CDH11: variants seen among roughly 807,000 people sequenced by gnomAD.
CDH11 encodes cadherin 11, also known as cadherin-11.
In CDH11, 11 loss-of-function variants were observed where a neutral mutation model predicts 67.8. The ratio of observed to expected loss-of-function variants is 0.16; its 90% CI spans 0.10 to 0.27. The LOEUF is 0.27. CDH11 is among the 10% of genes least tolerant of loss of function. The pLI is 1.00. For missense variants in CDH11, 847 were observed against 1,031.2 expected, an observed-to-expected ratio of 0.82 and a Z score of 2.45; for synonymous variants, 419 against 400.0, an observed-to-expected ratio of 1.05 and a Z score of -0.57.
chr16:64,989,038 T>C (rs1414558172), intron 6 of CDH11, among the ~76,000 whole-genome samples: 1 of 152,200 alleles, frequency 6.6e-6, no homozygotes, highest in Non-Finnish European at 1.5e-5. Flanking sequence ...TTGCTTGTTT[T>C]GTTTACTACT....
At chr16:65,073,889 C>T (rs2074462548) in intron 1 of CDH11, among the ~76,000 whole-genome samples, 1 of 152,116 alleles carries the variant, frequency 6.6e-6, no homozygotes, top group South Asian at 2.1e-4. Context: ...AGAAGCAAGG[C>T]CTTGCAGAAA....
chr16:65,057,693 A>G (rs957668904), intron 1 of CDH11, among the ~76,000 whole-genome samples: 4 of 152,182 alleles, frequency 2.6e-5, no homozygotes, highest in Admixed American at 1.3e-4. Flanking sequence ...TAAAATGGAA[A>G]GAGTTGTCAA....
chr16:64,949,062 A>G (rs2071278220), intron 12 of CDH11, among the ~76,000 whole-genome samples: 1 of 152,146 alleles, frequency 6.6e-6, no homozygotes, highest in Non-Finnish European at 1.5e-5. Flanking sequence ...TCTTGTGGGC[A>G]CTTTCACTCA....
At chr16:65,000,823 T>A (rs35189) in intron 3 of CDH11, among the ~76,000 whole-genome samples, 47,214 of 151,634 alleles carry the variant, frequency 0.31, 8,614 homozygotes, top group Non-Finnish European at 0.42. Flanking sequence ...ATAAATAAAT[T>A]AATTAATTAA....
rs546656310 is a variant in CDH11, at chr16:65,002,598, G to C, written c.228+2044C>G. ...AAATTCCTTTGGTACATCTCTTCAAGAAGAAATTTTTCCAAACTTACACAA... is the reference window on the plus strand; with the variant it reads ...AAATTCCTTTGGTACATCTCTTCAACAAGAAATTTTTCCAAACTTACACAA... On this transcript the variant is annotated intron_variant, in intron 3 of 12. Coordinates refer to ENST00000268603, the MANE Select transcript of CDH11 (RefSeq NM_001797.4). 2.0e-5 allele frequency among the ~76,000 whole-genome samples: 3 copies of C among 152,252 alleles called. No individual in the cohort carries two copies. The East Asian group carries it at 5.8e-4, about 29-fold the overall frequency.
At chr16:64,987,972 T>C (rs1406567249) in intron 7 of CDH11, 185 bp downstream of exon 7, 3 of 477,708 alleles carry the variant, frequency 6.3e-6, no homozygotes, top group Non-Finnish European at 7.4e-6. Context: ...TGTCAGCTTC[T>C]CTGCAGTAAC....
intron 2 of CDH11, among the ~76,000 whole-genome samples, chr16:65,031,093 C>G (rs929974736): frequency 7.9e-5 from 12 of 152,170 alleles, no homozygotes; most frequent in Admixed American, 7.9e-4. Flanking sequence ...AACTAATACC[C>G]AAGGCCTGGA....
Position 64,947,804 on chromosome 16 carries a change from A to G in CDH11, c.2190T>C (p.Asn730=). Residue 730 remains asparagine (N), a synonymous_variant, in exon 13 of 13, where the codon AAT becomes AAC. Coordinates refer to ENST00000268603, the MANE Select transcript of CDH11 (RefSeq NM_001797.4). ...AGTCATAAGGAGGAGCCGTGGGGTC[A>G]TTGTCTGCCTCCTGTATTCTCGTGT... ...FINTRIQEAD[N]DPTAPPYDSI... 1.2e-6 allele frequency: 2 copies of G among 1,614,132 alleles called. No individual in the cohort carries two copies. Among genetic ancestry groups the G allele is most frequent in the Non-Finnish European group, 1.7e-6 (2 of 1,180,008 alleles).
At chr16:65,071,870 C>T (rs2074423245) in intron 1 of CDH11, 1 of 152,248 alleles carries the variant, frequency 6.6e-6, no homozygotes, top group Non-Finnish European at 1.5e-5. Flanking sequence ...AGGGACAAGA[C>T]ATAAATAAAA....
In CDH11 at chr16:64,957,421, G is replaced by A. The variant is rs558013394; in HGVS notation, c.1643-6403C>T. On this transcript the variant is annotated intron_variant, in intron 11 of 12. Transcript: ENST00000268603. Reference sequence around the variant, plus strand: ...TACGTTTCTTCCCAAACCTCAGAGAGGAAGTAGATCTATCTACCACATGAA... The same window carrying A: ...TACGTTTCTTCCCAAACCTCAGAGAAGAAGTAGATCTATCTACCACATGAA... Among the ~76,000 whole-genome samples, 4 of 152,126 alleles carry A rather than the reference G, an allele frequency of 2.6e-5. No homozygotes were observed. The East Asian group carries it at 5.8e-4, about 22-fold the overall frequency.
chr16:65,100,894 C>G (rs911087845), intron 1 of CDH11, among the ~76,000 whole-genome samples: 4 of 152,112 alleles, frequency 2.6e-5, no homozygotes, highest in Non-Finnish European at 5.9e-5. Context: ...GTAATGATAT[C>G]TGAAAAAACA....
chr16:65,030,931 CAGG>C (rs1393286098), intron 2 of CDH11, among the ~76,000 whole-genome samples: 1 of 152,210 alleles, frequency 6.6e-6, no homozygotes, highest in Admixed American at 6.5e-5. Context: ...TTCATTCCCC[CAGG>C]AGAAGGTAGA....
chr16:64,952,468 T>C (rs2071387503), intron 11 of CDH11, among the ~76,000 whole-genome samples: 1 of 152,216 alleles, frequency 6.6e-6, no homozygotes, highest in Admixed American at 6.5e-5. Flanking sequence ...TTAACCAAAA[T>C]TCCAGATGTT....
chr16:64,980,032 A>G (rs561891146), intron 8 of CDH11, among the ~76,000 whole-genome samples: 3 of 152,204 alleles, frequency 2.0e-5, no homozygotes, highest in Non-Finnish European at 4.4e-5. Context: ...TACAGACACA[A>G]AATAAGTTAA....
At chr16:65,018,163 A>C (rs1339933783) in intron 2 of CDH11, among the ~76,000 whole-genome samples, 1 of 152,122 alleles carries the variant, frequency 6.6e-6, no homozygotes, top group East Asian at 1.9e-4. Flanking sequence ...CTCCTTCTCC[A>C]CTCAAGAACC....
rs191398941 is a variant in CDH11 at position 64,944,029 on chromosome 16, C to T, written c.*3574G>A. 251 of 232,464 alleles carry T rather than the reference C, an allele frequency of 1.1e-3. No individual in the cohort carries two copies. The highest frequency in any genetic ancestry group is 1.9e-3 in the Non-Finnish European group (222 of 117,556). The allele number at this position is 232,464 out of a possible 1,614,324, so 14.4% of individuals were successfully genotyped here. A position where few individuals can be genotyped will look rare whatever the true frequency, so the allele number is the denominator to read the frequency against. Reference sequence around the variant, plus strand: ...TTTGTATCAGGAACCGAAAGATGGCCAGTGTGGCTGGAGCATCGTGCACTG... The same window carrying T: ...TTTGTATCAGGAACCGAAAGATGGCTAGTGTGGCTGGAGCATCGTGCACTG... On this transcript the variant is annotated 3_prime_UTR_variant, in exon 13 of 13. Coordinates refer to ENST00000268603, the MANE Select transcript of CDH11 (RefSeq NM_001797.4).
At chr16:65,062,916 G>A (rs937119299) in intron 1 of CDH11, among the ~76,000 whole-genome samples, 2 of 152,198 alleles carry the variant, frequency 1.3e-5, no homozygotes, top group East Asian at 1.9e-4. Flanking sequence ...AGGGGCTGAC[G>A]TGAGCCAGGG....
At chr16:65,104,327 A>G (rs1404994300) in intron 1 of CDH11, among the ~76,000 whole-genome samples, 3 of 152,216 alleles carry the variant, frequency 2.0e-5, no homozygotes, top group African/African-American at 7.2e-5. Flanking sequence ...GTTTGGAAAC[A>G]CGGAACTTGG....
intron 1 of CDH11, among the ~76,000 whole-genome samples, chr16:65,103,383 T>C (rs900205439): frequency 4.6e-5 from 7 of 152,248 alleles, no homozygotes; most frequent in African/African-American, 1.7e-4. Flanking sequence ...GGTATTATTT[T>C]TTCATCATTG....
Sources: gnomAD v4.1 joint callset for allele counts (sites outside exome capture counted in the v4.1 genomes callset) on GRCh38, gnomAD v4.1.1 for gene constraint, MANE v1.5 for transcripts, NCBI Gene and HGNC (gene_info 2026-07-23, HGNC 2026-07-21) for gene names.